CLIC5: variants seen among roughly 807,000 people sequenced by gnomAD.
CLIC5 encodes the protein chloride intracellular channel protein 5.
A neutral mutation model predicts 24.7 loss-of-function variants in CLIC5; 20 were observed. That is an observed-to-expected ratio of 0.81 (90% CI 0.57 to 1.18). CLIC5 has a LOEUF of 1.18. CLIC5 is among the 50% of genes most tolerant of loss of function. The probability of loss-of-function intolerance (pLI) is 0.00; values close to 1 mark genes in which losing one functional copy is unlikely to be tolerated. For synonymous variants in CLIC5, 159 were observed against 135.6 expected (o/e 1.17, Z -1.20); for missense variants, 341 against 326.1 (o/e 1.05, Z -0.35).
chr6:46,016,635 A>G (rs767104116), upstream of CLIC5, among the ~76,000 whole-genome samples: 2 of 152,132 alleles, frequency 1.3e-5, no homozygotes, highest in Non-Finnish European at 2.9e-5. Context: ...AGATGCACAT[A>G]TCTTAGGTGT....
chr6:46,023,804 C>T (rs554025477), intron 1 of CLIC5, among the ~76,000 whole-genome samples: 2 of 151,732 alleles, frequency 1.3e-5, no homozygotes, highest in African/African-American at 4.8e-5. Context: ...TTAGCTTTGG[C>T]AAGATCACCT....
At chr6:45,931,484 T>C (rs577002393) in intron 4 of CLIC5, among the ~76,000 whole-genome samples, 50 of 152,246 alleles carry the variant, frequency 3.3e-4, no homozygotes, top group African/African-American at 1.2e-3. Context: ...TAATAAAAGG[T>C]TAGATCTGGA....
At chr6:46,087,493 C>G in the CLIC5 span, among the ~76,000 whole-genome samples, 1 of 152,132 alleles carries the variant, frequency 6.6e-6, no homozygotes, top group Non-Finnish European at 1.5e-5. Flanking sequence ...TCTGCCCTGG[C>G]ACTGTCATCT....
chr6:45,992,871 T>C (rs9472648), intron 1 of CLIC5, among the ~76,000 whole-genome samples: 3 of 152,100 alleles, frequency 2.0e-5, no homozygotes, highest in Non-Finnish European at 2.9e-5. Context: ...ACTTTTGGGG[T>C]GATAATTACC....
At chr6:45,951,696 C>A (rs2127382146) in intron 2 of CLIC5, among the ~76,000 whole-genome samples, 1 of 152,262 alleles carries the variant, frequency 6.6e-6, no homozygotes, top group South Asian at 2.1e-4. Context: ...CTGGGATTCA[C>A]CCCAAATGCT....
intron 1 of CLIC5, among the ~76,000 whole-genome samples, chr6:46,050,001 G>A (rs1392196987): frequency 6.6e-6 from 1 of 152,170 alleles, no homozygotes; most frequent in East Asian, 1.9e-4. Flanking sequence ...CTCAAGGAAT[G>A]TGTGCTCTGT....
At position 45,901,825 on chromosome 6, in the gene CLIC5, T is replaced by A. The variant is rs2127292859; in HGVS notation, c.*1263A>T. 6.5e-6 allele frequency: 1 copy of A among 152,680 alleles called. No individual in the cohort carries two copies. Among genetic ancestry groups the A allele is most frequent in the Admixed American group, 6.5e-5 (1 of 15,302 alleles). The allele number at this position is 152,680 out of a possible 1,614,324, so 9.5% of individuals were successfully genotyped here. A position where few individuals can be genotyped will look rare whatever the true frequency, so the allele number is the denominator to read the frequency against. On this transcript the variant is annotated 3_prime_UTR_variant, in exon 6 of 6. Transcript: ENST00000339561. ...GTAGGAAAATTAACCCAGATGGGTC[T>A]ACATTTTTCTTCAAGTTCAAACCAC...
At chr6:45,882,726 T>A (rs543322316) in intron 6 of CLIC5, among the ~76,000 whole-genome samples, 1 of 152,340 alleles carries the variant, frequency 6.6e-6, no homozygotes, top group South Asian at 2.1e-4. Flanking sequence ...TTTTCCTCTT[T>A]AGTGATACAA....
intron 1 of CLIC5, among the ~76,000 whole-genome samples, chr6:45,981,394 A>G (rs1317008339): frequency 6.6e-6 from 1 of 152,174 alleles, no homozygotes; most frequent in Non-Finnish European, 1.5e-5. Flanking sequence ...AGCCAGAAGT[A>G]AGTGATATGT....
At chr6:46,004,658 T>A (rs1459673358) in intron 1 of CLIC5, among the ~76,000 whole-genome samples, 2 of 152,156 alleles carry the variant, frequency 1.3e-5, no homozygotes, top group Non-Finnish European at 2.9e-5. Context: ...AGACTGTAGT[T>A]TGCAAAAGGG....
At chr6:46,051,140 GTT>G (rs1562025134) in intron 1 of CLIC5, among the ~76,000 whole-genome samples, 1 of 152,148 alleles carries the variant, frequency 6.6e-6, no homozygotes, top group African/African-American at 2.4e-5. Flanking sequence ...CTTCTCTAGT[GTT>G]TACTGTCACT....
intron 4 of CLIC5, among the ~76,000 whole-genome samples, chr6:45,936,196 C>CTTTTTT (rs60969238): frequency 7.0e-4 from 56 of 80,274 alleles, no homozygotes; most frequent in Non-Finnish European, 8.4e-4. Context: ...CAACGGCTGA[C>CTTTTTT]TTTTTTTTTT....
Position 45,993,006 on chromosome 6 carries a change from T to C in CLIC5, c.63+22474A>G, listed in dbSNP as rs529932384. ...ACTGGGCAGAGGTCTGAAAAGCATTTTGAGATATTTGAGGAGAGGTTTCCC... is the reference window on the plus strand; with the variant it reads ...ACTGGGCAGAGGTCTGAAAAGCATTCTGAGATATTTGAGGAGAGGTTTCCC... On this transcript the variant is annotated intron_variant, in intron 1 of 5. Coordinates refer to ENST00000339561, the MANE Select transcript of CLIC5 (RefSeq NM_016929.5). 5.3e-5 allele frequency among the ~76,000 whole-genome samples: 8 copies of C among 152,244 alleles called. No individual in the cohort carries two copies. The East Asian group carries it at 9.7e-4, about 18-fold the overall frequency.
intron 1 of CLIC5, among the ~76,000 whole-genome samples, chr6:46,001,363 T>A (rs1766350873): frequency 6.6e-6 from 1 of 152,194 alleles, no homozygotes; most frequent in Non-Finnish European, 1.5e-5. Flanking sequence ...CTCCCCCTTC[T>A]CTGCCTGAGC....
At chr6:45,958,445 T>TACACACACACACACACACACACACAC (rs1414421064) in intron 1 of CLIC5, among the ~76,000 whole-genome samples, 5,702 of 76,252 alleles carry the variant, frequency 0.075, 796 homozygotes, top group Non-Finnish European at 0.12. Flanking sequence ...TATATATATA[T>TACACACACACACACACACACACACAC]ATATATATAT....
the CLIC5 span, among the ~76,000 whole-genome samples, chr6:46,097,939 C>T: frequency 1.4e-4 from 21 of 152,242 alleles, no homozygotes; most frequent in East Asian, 5.8e-4. Context: ...GGTGTACACA[C>T]GTCTTCTTAC....
At chr6:46,006,671 C>CT (rs1025529949) in intron 1 of CLIC5, among the ~76,000 whole-genome samples, 4 of 146,504 alleles carry the variant, frequency 2.7e-5, no homozygotes, top group South Asian at 2.1e-4. Context: ...AATGATATTT[C>CT]TTTTTTTTCC....
rs58125807 is a variant in CLIC5 at position 46,056,709 on chromosome 6, A to G, written c.540+22994T>C. ...ACTGGGATACCACTATGCACAATGTACATGAAAGCCTTATTGGGGGACTCT... is the reference window on the plus strand; with the variant it reads ...ACTGGGATACCACTATGCACAATGTGCATGAAAGCCTTATTGGGGGACTCT... On this transcript the variant is annotated intron_variant, in intron 1 of 5. Transcript: ENST00000185206. Among the ~76,000 whole-genome samples the G allele has an allele frequency of 1.9e-3, 282 of 152,284 alleles. 1 individual carries two copies. Among genetic ancestry groups the G allele is most frequent in the African/African-American group, 6.5e-3 (271 of 41,558 alleles).
intron 1 of CLIC5, among the ~76,000 whole-genome samples, chr6:45,993,600 C>A (rs994165253): frequency 1.3e-5 from 2 of 152,174 alleles, no homozygotes; most frequent in Admixed American, 6.5e-5. Context: ...TCTTGCTACT[C>A]TGAGTAACTG....
Sources: allele counts gnomAD v4.1 joint callset (sites outside exome capture counted in the v4.1 genomes callset), GRCh38; gene constraint gnomAD v4.1.1; transcripts MANE v1.5; gene names NCBI Gene and HGNC (gene_info 2026-07-23, HGNC 2026-07-21).